The following TBCK variants were observed in gnomAD, a reference collection of about 807,000 sequenced individuals.
TBCK encodes the protein TBC domain-containing protein kinase-like protein.
Under a neutral mutation model 113.4 loss-of-function variants are expected in TBCK, and 99 were observed. The observed-to-expected ratio is 0.87, with a 90% confidence interval of 0.74 to 1.03. The LOEUF is 1.03. Among genes scored for constraint, TBCK ranks in the 50% least tolerant of loss-of-function variants. TBCK has a pLI of 0.00. For missense variants in TBCK, 1,045 were observed against 1,061.3 expected, an observed-to-expected ratio of 0.98 and a Z score of 0.21; for synonymous variants, 369 against 370.8, an observed-to-expected ratio of 1.00 and a Z score of 0.05.
At chr4:106,151,304 G>T (rs1306412106) in intron 23 of TBCK, among the ~76,000 whole-genome samples, 1 of 151,706 alleles carries the variant, frequency 6.6e-6, no homozygotes, top group Non-Finnish European at 1.5e-5. Context: ...TCATTCTTTT[G>T]AACTATTTTT....
At position 106,079,358 on chromosome 4, in the gene TBCK, G is replaced by A. The variant is rs576580264; in HGVS notation, c.2571+16124C>T. ...GCAAGAGAAAGAAAGAAAAGAGATC[G>A]AATAGGAAAAGAGGAAGTCAAATAA... On this transcript the variant is annotated intron_variant, in intron 25 of 25. Coordinates refer to ENST00000394708, the MANE Select transcript of TBCK (RefSeq NM_001163435.3). 3.0e-4 allele frequency among the ~76,000 whole-genome samples: 45 copies of A among 152,208 alleles called. 1 individual carries two copies. Among genetic ancestry groups the A allele is most frequent in the African/African-American group, 1.0e-3 (42 of 41,534 alleles).
At chr4:106,185,314 T>C (rs1357111142) in intron 22 of TBCK, among the ~76,000 whole-genome samples, 1 of 152,090 alleles carries the variant, frequency 6.6e-6, no homozygotes, top group East Asian at 1.9e-4. Flanking sequence ...TATGTGTCCA[T>C]ATGTCTAGTG....
At chr4:106,121,845 T>C (rs1223069438) in intron 23 of TBCK, among the ~76,000 whole-genome samples, 1 of 151,852 alleles carries the variant, frequency 6.6e-6, no homozygotes, top group Admixed American at 6.6e-5. Context: ...AGACACAACA[T>C]ACCAGAATCT....
At position 106,172,608 on chromosome 4, in the gene TBCK, C is replaced by A. The variant is rs1751166276; in HGVS notation, c.2060-1338G>T. Among the ~76,000 whole-genome samples, 3 of 151,996 alleles carry A rather than the reference C, an allele frequency of 2.0e-5. 1 individual carries two copies. The highest frequency in any genetic ancestry group is 7.2e-5 in the African/African-American group (3 of 41,406). ...ATTACATGTCAGAAAGTGGTAAGTT[C>A]TTTTTTTCTCCCCCTCTTTTTGAAA... On this transcript the variant is annotated intron_variant, in intron 22 of 25. Transcript: ENST00000394708.
chr4:106,207,647 T>C (rs1755681391), intron 20 of TBCK, among the ~76,000 whole-genome samples: 2 of 152,164 alleles, frequency 1.3e-5, no homozygotes, highest in South Asian at 4.1e-4. Flanking sequence ...GTCAATAATG[T>C]CTACATTGAA....
chr4:106,233,576 C>T lies in TBCK; in HGVS notation c.1512+12G>A. On this transcript the variant is annotated intron_variant, in intron 16 of 25. Transcript: ENST00000394708. ...AATTATCTTAGGTTGCTTAAGAAAA[C>T]CTAAATCATACTTGTCTATCTGTAG... 6.2e-7 allele frequency: 1 copy of T among 1,608,002 alleles called. No homozygotes were observed. Among genetic ancestry groups the T allele is most frequent in the Non-Finnish European group, 8.5e-7 (1 of 1,176,148 alleles).
At chr4:106,214,343 C>T (rs1756580892) in intron 19 of TBCK, among the ~76,000 whole-genome samples, 1 of 152,208 alleles carries the variant, frequency 6.6e-6, no homozygotes, top group African/African-American at 2.4e-5. Context: ...GGCTCCTCAC[C>T]AGCAACGGAA....
At chr4:106,099,332 G>A (rs754598914) in intron 24 of TBCK, among the ~76,000 whole-genome samples, 33 of 151,936 alleles carry the variant, frequency 2.2e-4, no homozygotes, top group Admixed American at 8.5e-4. Flanking sequence ...TAGTGACATC[G>A]TATCTTTAAA....
chr4:106,271,755 A>C (rs958113867), intron 3 of TBCK, among the ~76,000 whole-genome samples: 5 of 151,650 alleles, frequency 3.3e-5, no homozygotes, highest in African/African-American at 1.2e-4. Context: ...TTGTCCCAAA[A>C]AAAAAAAAAA....
intron 22 of TBCK, among the ~76,000 whole-genome samples, chr4:106,179,877 C>A (rs1250680198): frequency 6.6e-6 from 1 of 152,016 alleles, no homozygotes; most frequent in Non-Finnish European, 1.5e-5. Flanking sequence ...CTCAATCTCT[C>A]TCTTTAGGTT....
At chr4:106,224,152 T>C (rs1303752882) in intron 19 of TBCK, among the ~76,000 whole-genome samples, 2 of 152,070 alleles carry the variant, frequency 1.3e-5, no homozygotes, top group African/African-American at 4.8e-5. Context: ...AACAAGTCAA[T>C]AGAACTAAGT....
At chr4:106,293,400 A>G (rs753654973) in intron 3 of TBCK, among the ~76,000 whole-genome samples, 8 of 152,218 alleles carry the variant, frequency 5.3e-5, no homozygotes, top group Non-Finnish European at 1.2e-4. Flanking sequence ...GCAGGAAAGC[A>G]AGCTCAGGGA....
At chr4:106,152,078 C>G (rs1434909042) in intron 23 of TBCK, among the ~76,000 whole-genome samples, 1 of 151,648 alleles carries the variant, frequency 6.6e-6, no homozygotes, top group East Asian at 1.9e-4. Context: ...CTTTATTTTT[C>G]TCTTTGTCTA....
intron 25 of TBCK, among the ~76,000 whole-genome samples, chr4:106,079,972 G>A (rs1362054684): frequency 6.6e-6 from 1 of 152,048 alleles, no homozygotes; most frequent in Non-Finnish European, 1.5e-5. Flanking sequence ...AGAATAACAA[G>A]CAGAAAATCC....
At chr4:106,074,894 G>C (rs1354075587) in intron 25 of TBCK, among the ~76,000 whole-genome samples, 3 of 152,162 alleles carry the variant, frequency 2.0e-5, no homozygotes, top group African/African-American at 7.2e-5. Flanking sequence ...ACATAATTCT[G>C]GAGGGAAGGG....
chr4:106,109,040 C>T (rs975255672), intron 24 of TBCK, among the ~76,000 whole-genome samples: 1 of 151,622 alleles, frequency 6.6e-6, no homozygotes, highest in Non-Finnish European at 1.5e-5. Flanking sequence ...CACACACACA[C>T]ACACACACTC....
At chr4:106,245,354 GGTTA>G (rs539486864) in intron 10 of TBCK, among the ~76,000 whole-genome samples, 4 of 152,142 alleles carry the variant, frequency 2.6e-5, no homozygotes, top group African/African-American at 9.6e-5. Context: ...AGGATAAACC[GGTTA>G]GTCAGAGGCT....
At chr4:106,068,049 G>C (rs1736858212) in intron 25 of TBCK, among the ~76,000 whole-genome samples, 1 of 152,004 alleles carries the variant, frequency 6.6e-6, no homozygotes, top group Non-Finnish European at 1.5e-5. Context: ...GTACTGCATG[G>C]AAGTTACACA....
chr4:106,266,420 C>G (rs1763001038), intron 3 of TBCK, among the ~76,000 whole-genome samples: 1 of 151,286 alleles, frequency 6.6e-6, no homozygotes, highest in African/African-American at 2.4e-5. Flanking sequence ...ATGTCTTTCT[C>G]ATGAAATTAA....
Sources: gnomAD v4.1 joint callset for allele counts (sites outside exome capture counted in the v4.1 genomes callset) on GRCh38, gnomAD v4.1.1 for gene constraint, MANE v1.5 for transcripts, NCBI Gene and HGNC (gene_info 2026-07-23, HGNC 2026-07-21) for gene names.